The following MFN1 variants were observed in gnomAD, a reference collection of about 807,000 sequenced individuals.
MFN1 encodes mitofusin-1.
A neutral mutation model predicts 92.4 loss-of-function variants in MFN1; 65 were observed. The ratio of observed to expected loss-of-function variants is 0.70; its 90% CI spans 0.58 to 0.86. MFN1 has a LOEUF of 0.86. Ranked by LOEUF, MFN1 falls within the 40% of genes least tolerant of loss-of-function variation. The probability of loss-of-function intolerance (pLI) is 0.00; values close to 1 mark genes in which losing one functional copy is unlikely to be tolerated. For synonymous variants in MFN1, 297 were observed against 300.9 expected, an observed-to-expected ratio of 0.99 and a Z score of 0.13; for missense variants, 781 against 868.0, an observed-to-expected ratio of 0.90 and a Z score of 1.26.
Position 179,348,703 on chromosome 3 carries a change from C to T in MFN1, c.-7-142C>T, listed in dbSNP as rs188953116. 5.7e-3 allele frequency: 7,325 copies of T among 1,288,912 alleles called. 26 individuals carry two copies. The highest frequency in any genetic ancestry group is 6.9e-3 in the Non-Finnish European group (6,641 of 968,098). The allele number at this position is 1,288,912 out of a possible 1,614,324, so 79.8% of individuals were successfully genotyped here. On this transcript the variant is annotated intron_variant, in intron 1 of 17. Coordinates refer to ENST00000471841, the MANE Select transcript of MFN1 (RefSeq NM_033540.3). ...CGTCTCTAACTGTCTGACTAGAACA[C>T]TCCCAAAAAAGAATTACCTAAAAAC...
At chr3:179,358,397 C>T (rs1236716316) in intron 3 of MFN1, among the ~76,000 whole-genome samples, 1 of 152,166 alleles carries the variant, frequency 6.6e-6, no homozygotes, top group Non-Finnish European at 1.5e-5. Context: ...AAGTGATCCA[C>T]CCACCTTGGC....
rs1713952422 is a variant in MFN1, at chr3:179,392,640, A to G, written c.*581A>G. On this transcript the variant is annotated 3_prime_UTR_variant, in exon 18 of 18. Coordinates refer to ENST00000471841, the MANE Select transcript of MFN1 (RefSeq NM_033540.3). ...ATGTAAAACAGGATAAAGGCTTGTT[A>G]TAGTCACTTATAAGTATCTGGGTCT... The G allele has an allele frequency of 6.6e-6, 1 of 152,222 alleles. No individual in the cohort carries two copies. Among genetic ancestry groups the G allele is most frequent in the Admixed American group, 6.5e-5 (1 of 15,284 alleles). 9.4% of individuals were successfully genotyped at this position (152,222 alleles called of 1,614,324 possible). A position where few individuals can be genotyped will look rare whatever the true frequency, so the allele number is the denominator to read the frequency against.
intron 7 of MFN1, among the ~76,000 whole-genome samples, chr3:179,367,209 A>G (rs1712829527): frequency 1.3e-5 from 2 of 152,254 alleles, no homozygotes; most frequent in Non-Finnish European, 2.9e-5. Flanking sequence ...TGCAGGCGTG[A>G]GCCACTGTGC....
At chr3:179,370,208 ATTGT>A (rs891985657) in intron 9 of MFN1, among the ~76,000 whole-genome samples, 6 of 152,006 alleles carry the variant, frequency 3.9e-5, no homozygotes, top group South Asian at 2.1e-4. Flanking sequence ...GTAGCATAAA[ATTGT>A]TTGTTTTGAA....
chr3:179,356,987 T>A (rs1273653185), intron 3 of MFN1, among the ~76,000 whole-genome samples: 1 of 152,126 alleles, frequency 6.6e-6, no homozygotes, highest in Non-Finnish European at 1.5e-5. Context: ...GTTTTTGGAG[T>A]ACCCAAAGTG....
At position 179,348,863 on chromosome 3, in the gene MFN1, T is replaced by C; in HGVS notation, c.12T>C (p.Pro4=). Residue 4 remains proline (P), a synonymous_variant, in exon 2 of 18, where the codon CCT becomes CCC. Coordinates refer to ENST00000471841, the MANE Select transcript of MFN1 (RefSeq NM_033540.3). MAE[P]VSPLKHFVLA... is the part of the protein sequence containing the mutation. ...CCTCTAGTAGCATAATGGCAGAACCTGTTTCTCCACTGAAGCACTTTGTGC... is the reference window on the plus strand; with the variant it reads ...CCTCTAGTAGCATAATGGCAGAACCCGTTTCTCCACTGAAGCACTTTGTGC... 3 of 1,609,420 alleles carry C rather than the reference T, an allele frequency of 1.9e-6. No homozygotes were observed. Among genetic ancestry groups the C allele is most frequent in the Non-Finnish European group, 2.6e-6 (3 of 1,176,416 alleles).
rs1312828804 is a variant in MFN1 at position 179,393,916 on chromosome 3, G to C, written c.*1857G>C. The C allele has an allele frequency of 6.6e-6, 1 of 152,358 alleles. No homozygotes were observed. The highest frequency in any genetic ancestry group is 2.1e-4 in the South Asian group (1 of 4,840). 9.4% of individuals were successfully genotyped at this position (152,358 alleles called of 1,614,324 possible). On this transcript the variant is annotated 3_prime_UTR_variant, in exon 18 of 18. Coordinates refer to ENST00000471841, the MANE Select transcript of MFN1 (RefSeq NM_033540.3). ...CTGTCACCCAGGATGGAGTGCAGTG[G>C]CGTGATCATGGCTCACTGCAGCCTC...
chr3:179,373,219 T>C (rs944417306), intron 9 of MFN1, among the ~76,000 whole-genome samples: 1 of 152,018 alleles, frequency 6.6e-6, no homozygotes, highest in Non-Finnish European at 1.5e-5. Flanking sequence ...AACGAAATGC[T>C]GAAGAGGGGA....
intron 14 of MFN1, 66 bp downstream of exon 14, chr3:179,378,880 A>G (rs890046477): frequency 7.2e-5 from 89 of 1,235,586 alleles, no homozygotes; most frequent in Non-Finnish European, 9.7e-5. Context: ...GTTTTTCTAT[A>G]ATAAAACTAG....
In MFN1 at chr3:179,378,563, GTTGTAAT is replaced by G; in HGVS notation, c.1433-19_1433-13del. On this transcript the variant is annotated splice_polypyrimidine_tract_variant and intron_variant, in intron 13 of 17. Coordinates refer to ENST00000471841, the MANE Select transcript of MFN1 (RefSeq NM_033540.3). ...AACATTTACCATTCTTATCTTAAGT[GTTGTAAT>G]TTTGTTCTTTCTAGAAAATTTGAAG... 1 of 1,578,688 alleles carries G rather than the reference GTTGTAAT, an allele frequency of 6.3e-7. No individual in the cohort carries two copies. The highest frequency in any genetic ancestry group is 8.7e-7 in the Non-Finnish European group (1 of 1,152,620).
At chr3:179,348,455 ACT>A (rs1170960913) in intron 1 of MFN1, among the ~76,000 whole-genome samples, 2 of 152,014 alleles carry the variant, frequency 1.3e-5, no homozygotes, top group African/African-American at 4.8e-5. Flanking sequence ...ATCCACTCCT[ACT>A]CACCTAGAGC....
At chr3:179,361,999 ATAATGACATTTCTTC>A (rs1314080815) in intron 4 of MFN1, among the ~76,000 whole-genome samples, 6 of 152,234 alleles carry the variant, frequency 3.9e-5, no homozygotes, top group East Asian at 1.9e-4. Context: ...ACCTGTTTTA[ATAATGACATTTCTTC>A]TAATGACATT....
At chr3:179,352,149 G>A in intron 3 of MFN1, 114 bp downstream of exon 3, 1 of 1,122,216 alleles carries the variant, frequency 8.9e-7, no homozygotes, top group Non-Finnish European at 1.3e-6. Flanking sequence ...TTCTGCCTGT[G>A]TTGAATGTTA....
intron 16 of MFN1, among the ~76,000 whole-genome samples, chr3:179,388,074 A>T (rs1166628663): frequency 3.3e-5 from 5 of 149,328 alleles, no homozygotes; most frequent in African/African-American, 1.2e-4. Flanking sequence ...TTTTTAGTAG[A>T]GCCAAGGTTT....
chr3:179,362,332 AT>A (rs1237649282), intron 4 of MFN1, 25 bp from the exon 5 acceptor site: 4 of 1,552,274 alleles, frequency 2.6e-6, no homozygotes, highest in African/African-American at 2.8e-5. Context: ...AGTGGAGTTT[AT>A]TTTTTTCTTT....
chr3:179,371,395 C>CA (rs1352468316), intron 9 of MFN1, among the ~76,000 whole-genome samples: 1 of 151,722 alleles, frequency 6.6e-6, no homozygotes, highest in East Asian at 1.9e-4. Context: ...TGACTATAGT[C>CA]ACAGCTACCC....
chr3:179,367,505 T>G lies in MFN1; in HGVS notation c.820T>G (p.Leu274Val), dbSNP rs768751003. ...GGAGGAGCTCAAAGTTGTAAATGCT[T>G]TAGAAGCACAGAATCGTATCTTCTT... ...LVEELKVVNA[L>V]EAQNRIFFVS... The change falls in exon 8 of 18, where the codon TTA becomes GTA. Residue 274 changes from leucine (L) to valine (V), a missense_variant. By Grantham distance (32) the Leu-to-Val change is conservative. Coordinates refer to ENST00000471841, the MANE Select transcript of MFN1 (RefSeq NM_033540.3). The G allele has an allele frequency of 3.7e-6, 6 of 1,613,818 alleles. No individual in the cohort carries two copies. In the East Asian group the frequency reaches 1.3e-4, roughly 36 times the overall value.
chr3:179,389,853 C>A (rs1488533785), intron 16 of MFN1, 151 bp from the exon 17 acceptor site: 3 of 648,842 alleles, frequency 4.6e-6, no homozygotes, highest in Non-Finnish European at 7.7e-6. Flanking sequence ...CCCACTAGTG[C>A]CATATCTTCC....
chr3:179,375,448 C>T, intron 10 of MFN1, 107 bp downstream of exon 10: 22 of 1,382,198 alleles, frequency 1.6e-5, no homozygotes, highest in Non-Finnish European at 2.1e-5. Context: ...ACACTGAAAT[C>T]AACCTTGTGG....
Sources: allele counts gnomAD v4.1 joint callset (sites outside exome capture counted in the v4.1 genomes callset), GRCh38; gene constraint gnomAD v4.1.1; transcripts MANE v1.5; gene names NCBI Gene and HGNC (gene_info 2026-07-23, HGNC 2026-07-21).